The following MSL2 variants were observed in gnomAD, a reference collection of about 807,000 sequenced individuals.
MSL2 encodes MSL complex subunit 2, also known as E3 ubiquitin-protein ligase MSL2.
A neutral mutation model predicts 35.8 loss-of-function variants in MSL2; 2 were observed. The observed-to-expected ratio is 0.06, with a 90% CI of 0.02 to 0.18. The LOEUF is 0.18. Among genes scored for constraint, MSL2 ranks in the 10% least tolerant of loss-of-function variants. The pLI is 1.00. For synonymous variants in MSL2, 296 were observed against 255.7 expected (o/e 1.16, Z -1.50); for missense variants, 523 against 706.7 (o/e 0.74, Z 2.95).
At chr3:136,173,704 TATG>T (rs1375086220) in intron 1 of MSL2, among the ~76,000 whole-genome samples, 2 of 152,228 alleles carry the variant, frequency 1.3e-5, no homozygotes, top group African/African-American at 4.8e-5. Flanking sequence ...ACTGCCACCA[TATG>T]ATCTTTCTAA....
At position 136,151,602 on chromosome 3, in the gene MSL2, T is replaced by A; in HGVS notation, c.1279A>T (p.Ile427Phe). The A allele has an allele frequency of 6.2e-7, 1 of 1,614,216 alleles. No individual in the cohort carries two copies. The highest frequency in any genetic ancestry group is 1.3e-5 in the African/African-American group (1 of 75,064). ...TTTACTGCTTTGTCTTTTTTAAGAA[T>A]ACCTGGCTTGGTTTTAGAGTGAGAT... ...KKSHSKTKPG[I>F]LKKDKAVKEK... The change falls in exon 2 of 2, where the codon ATT becomes TTT. Residue 427 changes from isoleucine (I) to phenylalanine (F), a missense_variant. Ile to Phe is a conservative substitution (Grantham distance 21, BLOSUM62 0). Coordinates refer to ENST00000309993, the MANE Select transcript of MSL2 (RefSeq NM_018133.4). The surrounding 1 kb of genome is among the most constrained non-coding windows in gnomAD (Gnocchi z 5.2).
In MSL2 at chr3:136,155,534, A is replaced by G. The variant is rs530932449; in HGVS notation, c.143-2796T>C. The G allele has an allele frequency of 3.7e-5, 7 of 190,630 alleles. 1 individual carries two copies. In the South Asian group the frequency reaches 5.8e-4, roughly 16 times the overall value. 11.8% of individuals were successfully genotyped at this position (190,630 alleles called of 1,614,324 possible). On this transcript the variant is annotated intron_variant, in intron 1 of 1. Transcript: ENST00000309993. ...CAAAAAAATAAATAAATAAATTTAAAAAAAGAAAGGGGTGTCCATCTCAGG... is the reference window on the plus strand; with the variant it reads ...CAAAAAAATAAATAAATAAATTTAAGAAAAGAAAGGGGTGTCCATCTCAGG...
chr3:136,195,642 C>A lies in MSL2; in HGVS notation c.-529G>T. The A allele has an allele frequency of 1.0e-6, 1 of 980,402 alleles. No individual in the cohort carries two copies. Among genetic ancestry groups the A allele is most frequent in the South Asian group, 4.7e-5 (1 of 21,252 alleles). 60.7% of individuals were successfully genotyped at this position (980,402 alleles called of 1,614,324 possible). On this transcript the variant is annotated 5_prime_UTR_variant, in exon 1 of 2. Transcript: ENST00000309993. ...GGCAAGGACGACGGTCGGGCAGCGG[C>A]TTCCCGGATCTAGTGCAAGACGCCG...
At chr3:136,175,455 G>A (rs1463975083) in intron 1 of MSL2, among the ~76,000 whole-genome samples, 1 of 152,130 alleles carries the variant, frequency 6.6e-6, no homozygotes, top group East Asian at 1.9e-4. Flanking sequence ...GGAGGCTGGG[G>A]CAGGAGGATC....
chr3:136,187,454 G>A (rs1172264662), intron 1 of MSL2, among the ~76,000 whole-genome samples: 1 of 152,050 alleles, frequency 6.6e-6, no homozygotes, highest in Non-Finnish European at 1.5e-5. Context: ...CCTGAGGTCA[G>A]GAGTTCAAGA....
intron 1 of MSL2, among the ~76,000 whole-genome samples, chr3:136,181,009 C>T (rs1403448324): frequency 6.6e-6 from 1 of 150,504 alleles, no homozygotes. Flanking sequence ...AAAAAAAAAT[C>T]AGGCATGGTG....
At chr3:136,173,682 T>C (rs1940092240) in intron 1 of MSL2, among the ~76,000 whole-genome samples, 1 of 152,182 alleles carries the variant, frequency 6.6e-6, no homozygotes, top group Non-Finnish European at 1.5e-5. Flanking sequence ...ACCTAATCAA[T>C]TCATCTTCCA....
At position 136,151,586 on chromosome 3, in the gene MSL2, T is replaced by C. The variant is rs758592938; in HGVS notation, c.1295A>G (p.Lys432Arg). ...ACTAGGAATCTTTTCCTTTACTGCTTTGTCTTTTTTAAGAATACCTGGCTT... is the reference window on the plus strand; with the variant it reads ...ACTAGGAATCTTTTCCTTTACTGCTCTGTCTTTTTTAAGAATACCTGGCTT... ...KTKPGILKKDKAVKEKIPSHH... is the reference protein window; with the variant it reads ...KTKPGILKKDRAVKEKIPSHH... Residue 432 changes from lysine to arginine, a missense_variant, in exon 2 of 2, where the codon AAA becomes AGA. By Grantham distance (26) the Lys-to-Arg change is conservative. Transcript: ENST00000309993. This position sits in a 1 kb window ranked among gnomAD's most constrained non-coding sequence, Gnocchi z 5.2. 12 of 1,614,038 alleles carry C rather than the reference T, an allele frequency of 7.4e-6. 1 individual carries two copies. The highest frequency in any genetic ancestry group is 9.3e-6 in the Non-Finnish European group (11 of 1,180,030).
In MSL2 at chr3:136,180,313, G is replaced by C. The variant is rs577331030; in HGVS notation, c.142+14659C>G. Among the ~76,000 whole-genome samples, 104 of 152,232 alleles carry C rather than the reference G, an allele frequency of 6.8e-4. 2 individuals carry two copies. Among genetic ancestry groups the C allele is most frequent in the Admixed American group, 1.2e-3 (19 of 15,284 alleles). On this transcript the variant is annotated intron_variant, in intron 1 of 1. Coordinates refer to ENST00000309993, the MANE Select transcript of MSL2 (RefSeq NM_018133.4). ...ACTTCAAATAACACATTCCAAGTAT[G>C]AACAGTCTCTGGTCTCCAAAAATAA...
At chr3:136,191,995 G>C (rs1940703077) in intron 1 of MSL2, among the ~76,000 whole-genome samples, 1 of 152,054 alleles carries the variant, frequency 6.6e-6, no homozygotes, top group Non-Finnish European at 1.5e-5. Flanking sequence ...TAAGTCACCA[G>C]GCAGGAAAGA....
Position 136,195,924 on chromosome 3 carries a change from C to T in MSL2, c.-811G>A, listed in dbSNP as rs1055631492. The T allele has an allele frequency of 4.8e-6, 3 of 626,134 alleles. No homozygotes were observed. Among genetic ancestry groups the T allele is most frequent in the Non-Finnish European group, 6.0e-6 (3 of 503,332 alleles). The allele number at this position is 626,134 out of a possible 1,614,324, so 38.8% of individuals were successfully genotyped here. ...GCGGCGGCGCCCCTCGCGCCTCAGT[C>T]GCACACTCCGGGGTCACCAGACTCA... On this transcript the variant is annotated 5_prime_UTR_variant, in exon 1 of 2. Coordinates refer to ENST00000309993, the MANE Select transcript of MSL2 (RefSeq NM_018133.4).
chr3:136,162,479 G>C (rs1939736638), intron 1 of MSL2, among the ~76,000 whole-genome samples: 1 of 152,058 alleles, frequency 6.6e-6, no homozygotes, highest in African/African-American at 2.4e-5. Context: ...CTACTCAAGA[G>C]GCTAAGATGA....
chr3:136,149,667 A>G lies in MSL2; in HGVS notation c.*1480T>C, dbSNP rs1222806568. On this transcript the variant is annotated 3_prime_UTR_variant, in exon 2 of 2. Coordinates refer to ENST00000309993, the MANE Select transcript of MSL2 (RefSeq NM_018133.4). Reference sequence around the variant, plus strand: ...GACCACATTCACAGAAAATGACACCAGGATACACTACAAAACAGAAGGAGG... The same window carrying G: ...GACCACATTCACAGAAAATGACACCGGGATACACTACAAAACAGAAGGAGG... 6.6e-6 allele frequency: 1 copy of G among 151,788 alleles called. No individual in the cohort carries two copies. Among genetic ancestry groups the G allele is most frequent in the Non-Finnish European group, 1.5e-5 (1 of 67,962 alleles). The allele number at this position is 151,788 out of a possible 1,614,324, so 9.4% of individuals were successfully genotyped here. A position where few individuals can be genotyped will look rare whatever the true frequency, so the allele number is the denominator to read the frequency against.
At chr3:136,153,732 G>C (rs1018972678) in intron 1 of MSL2, among the ~76,000 whole-genome samples, 1 of 151,364 alleles carries the variant, frequency 6.6e-6, no homozygotes, top group Non-Finnish European at 1.5e-5. Flanking sequence ...TGAGGTAGCA[G>C]TGAGCTGAGA....
intron 1 of MSL2, among the ~76,000 whole-genome samples, chr3:136,189,270 G>A (rs1177120987): frequency 1.4e-5 from 2 of 142,010 alleles, no homozygotes; most frequent in Non-Finnish European, 3.0e-5. Flanking sequence ...CCACATTCCA[G>A]CCTAGGCAAC....
At chr3:136,192,349 G>T (rs1490362602) in intron 1 of MSL2, among the ~76,000 whole-genome samples, 1 of 151,840 alleles carries the variant, frequency 6.6e-6, no homozygotes, top group African/African-American at 2.4e-5. Flanking sequence ...CAGCTAATTT[G>T]TGTATTTTTA....
chr3:136,178,340 C>T (rs903217133), intron 1 of MSL2, among the ~76,000 whole-genome samples: 7 of 152,152 alleles, frequency 4.6e-5, no homozygotes, highest in Middle Eastern at 3.2e-3. Context: ...TAAGTTGATT[C>T]ATACCTGAAC....
At chr3:136,183,745 TATG>T (rs1940432878) in intron 1 of MSL2, among the ~76,000 whole-genome samples, 4 of 152,324 alleles carry the variant, frequency 2.6e-5, no homozygotes, top group South Asian at 4.1e-4. Flanking sequence ...AGCAAAAACT[TATG>T]ATAAAACTCT....
At chr3:136,157,229 G>T (rs1345465182) in intron 1 of MSL2, among the ~76,000 whole-genome samples, 1 of 151,642 alleles carries the variant, frequency 6.6e-6, no homozygotes, top group Non-Finnish European at 1.5e-5. Context: ...AAGGCGGGCC[G>T]ATCACCTGAG....
Sources: gnomAD v4.1 joint callset for allele counts (sites outside exome capture counted in the v4.1 genomes callset) on GRCh38, gnomAD v4.1.1 for gene constraint, Gnocchi (gnomAD v3.1) non-coding constraint, MANE v1.5 for transcripts, NCBI Gene and HGNC (gene_info 2026-07-23, HGNC 2026-07-21) for gene names.